FHIT: variants seen among roughly 807,000 people sequenced by gnomAD.
FHIT encodes the protein bis(5'-adenosyl)-triphosphatase.
Under a neutral mutation model 17.9 loss-of-function variants are expected in FHIT, and 19 were observed. That is an observed-to-expected ratio of 1.06 (90% CI 0.74 to 1.56). FHIT has a LOEUF of 1.56. Among genes scored for constraint, FHIT ranks in the 40% most tolerant of loss-of-function variants. The pLI is 0.00. For missense variants in FHIT, 248 were observed against 189.2 expected, an observed-to-expected ratio of 1.31 and a Z score of -1.82; for synonymous variants, 81 against 69.7, an observed-to-expected ratio of 1.16 and a Z score of -0.81.
At chr3:60,019,415 C>CTTTTTTT (rs1281567026) in intron 5 of FHIT, among the ~76,000 whole-genome samples, 21 of 121,088 alleles carry the variant, frequency 1.7e-4, no homozygotes, top group African/African-American at 3.1e-4. Flanking sequence ...TGAGATGCTC[C>CTTTTTTT]TTTTTTTTTT....
chr3:60,504,515 C>T (rs1297511608), intron 5 of FHIT, among the ~76,000 whole-genome samples: 2 of 152,004 alleles, frequency 1.3e-5, no homozygotes, highest in African/African-American at 4.8e-5. Flanking sequence ...CCAAATGTTT[C>T]ACATCACAGT....
intron 4 of FHIT, among the ~76,000 whole-genome samples, chr3:60,775,062 T>C (rs1291517074): frequency 6.6e-6 from 1 of 152,184 alleles, no homozygotes; most frequent in East Asian, 1.9e-4. Flanking sequence ...ACCAAATTCA[T>C]GACATTGTTT....
chr3:61,026,217 A>AGTC (rs1170370565), intron 3 of FHIT, among the ~76,000 whole-genome samples: 2 of 152,250 alleles, frequency 1.3e-5, no homozygotes, highest in Non-Finnish European at 2.9e-5. Flanking sequence ...ATGGTAAAGG[A>AGTC]GTCAGCTTTG....
At chr3:60,315,924 C>T (rs1709145729) in intron 5 of FHIT, among the ~76,000 whole-genome samples, 1 of 152,148 alleles carries the variant, frequency 6.6e-6, no homozygotes, top group African/African-American at 2.4e-5. Context: ...GTTTTCTCCC[C>T]TATAACTAGC....
intron 4 of FHIT, among the ~76,000 whole-genome samples, chr3:60,678,111 T>G (rs1559633559): frequency 6.6e-6 from 1 of 152,194 alleles, no homozygotes; most frequent in African/African-American, 2.4e-5. Flanking sequence ...CAACTTTTTG[T>G]TTAACTTATC....
At chr3:60,265,696 T>G (rs1399249011) in intron 5 of FHIT, among the ~76,000 whole-genome samples, 3 of 152,068 alleles carry the variant, frequency 2.0e-5, no homozygotes, top group Non-Finnish European at 4.4e-5. Flanking sequence ...GGGACTTGTA[T>G]CTAGAATATA....
intron 7 of FHIT, among the ~76,000 whole-genome samples, chr3:59,939,725 A>C (rs573688569): frequency 2.4e-4 from 36 of 152,140 alleles, no homozygotes; most frequent in Non-Finnish European, 4.4e-4. Context: ...CAATTCTTTA[A>C]AATTAGTAAC....
At chr3:60,337,857 G>C (rs2106883944) in intron 5 of FHIT, among the ~76,000 whole-genome samples, 1 of 152,252 alleles carries the variant, frequency 6.6e-6, no homozygotes, top group African/African-American at 2.4e-5. Flanking sequence ...AAAACAGTTT[G>C]CATTCCTGGT....
At chr3:60,567,158 C>A (rs1298182464) in intron 4 of FHIT, among the ~76,000 whole-genome samples, 1 of 152,094 alleles carries the variant, frequency 6.6e-6, no homozygotes, top group East Asian at 1.9e-4. Flanking sequence ...CCAAGTCAAT[C>A]CTAAGCCAAA....
At chr3:60,007,175 A>C (rs1699957670) in intron 7 of FHIT, among the ~76,000 whole-genome samples, 1 of 152,156 alleles carries the variant, frequency 6.6e-6, no homozygotes, top group Non-Finnish European at 1.5e-5. Flanking sequence ...TCCCACCCAA[A>C]GATGAACATA....
chr3:61,014,809 T>A (rs534944186), intron 3 of FHIT, among the ~76,000 whole-genome samples: 867 of 84,984 alleles, frequency 0.01, 12 homozygotes, highest in African/African-American at 0.054. Context: ...AAAAAAAAAA[T>A]ATATATATAT....
chr3:60,308,484 A>G (rs78122544), intron 5 of FHIT, among the ~76,000 whole-genome samples: 18,621 of 116,074 alleles, frequency 0.16, 1,323 homozygotes, highest in Admixed American at 0.19. Flanking sequence ...AGGTATAGGT[A>G]TAGGTGTATG....
chr3:60,640,809 C>T (rs77285905), intron 4 of FHIT, among the ~76,000 whole-genome samples: 3,443 of 152,216 alleles, frequency 0.023, 111 homozygotes, highest in African/African-American at 0.078. Context: ...ATTTAAAGTC[C>T]TTATCTGCTA....
At chr3:61,015,981 T>C (rs2032083799) in intron 3 of FHIT, among the ~76,000 whole-genome samples, 1 of 152,196 alleles carries the variant, frequency 6.6e-6, no homozygotes, top group Admixed American at 6.5e-5. Flanking sequence ...TTTGCTAAAG[T>C]GTTCAACAAC....
intron 7 of FHIT, among the ~76,000 whole-genome samples, chr3:59,950,544 A>T (rs1240037895): frequency 1.5e-3 from 5 of 3,382 alleles, no homozygotes; most frequent in Non-Finnish European, 6.4e-3. Context: ...CTGTCTAAAA[A>T]AACTGTTTGT....
At chr3:60,228,463 T>C (rs1169987882) in intron 5 of FHIT, among the ~76,000 whole-genome samples, 1 of 152,146 alleles carries the variant, frequency 6.6e-6, no homozygotes, top group African/African-American at 2.4e-5. Context: ...AAAAGGTGAA[T>C]TTTTTTGGTA....
intron 3 of FHIT, among the ~76,000 whole-genome samples, chr3:60,868,653 T>C (rs1553754379): frequency 6.6e-6 from 1 of 152,200 alleles, no homozygotes; most frequent in Non-Finnish European, 1.5e-5. Flanking sequence ...GAATGAGTAG[T>C]AAATGGTCTT....
At chr3:61,127,872 A>G (rs1425322099) in intron 2 of FHIT, among the ~76,000 whole-genome samples, 3 of 152,200 alleles carry the variant, frequency 2.0e-5, no homozygotes, top group Non-Finnish European at 4.4e-5. Flanking sequence ...TCTGTCTGAA[A>G]AAAAAAGAAG....
Position 60,397,784 on chromosome 3 carries a change from G to A in FHIT, c.103+139076C>T, listed in dbSNP as rs537790465. Among the ~76,000 whole-genome samples, 15 of 152,298 alleles carry A rather than the reference G, an allele frequency of 9.8e-5. No individual in the cohort carries two copies. In the South Asian group the frequency reaches 2.3e-3, roughly 23 times the overall value. ...GACTGGATTGAGAACTTGTCTTCCT[G>A]TTTGGCACACTTTCCTCTGATTGAT... On this transcript the variant is annotated intron_variant, in intron 5 of 9. Transcript: ENST00000492590.
Sources: gnomAD v4.1 joint callset for allele counts (sites outside exome capture counted in the v4.1 genomes callset) on GRCh38, gnomAD v4.1.1 for gene constraint, MANE v1.5 for transcripts, NCBI Gene and HGNC (gene_info 2026-07-23, HGNC 2026-07-21) for gene names.